SLC25A26: variants seen among roughly 807,000 people sequenced by gnomAD.
SLC25A26 encodes the protein solute carrier family 25 member 26.
In SLC25A26, 36 loss-of-function variants were observed where a neutral mutation model predicts 37.8. That is an observed-to-expected ratio of 0.95 (90% CI 0.73 to 1.26). The LOEUF (loss-of-function observed/expected upper bound fraction) is 1.26. Ranked by LOEUF, SLC25A26 falls within the 50% of genes most tolerant of loss-of-function variation. The pLI, the probability that SLC25A26 is intolerant of heterozygous loss-of-function variation, is 0.00. For synonymous variants in SLC25A26, 129 were observed against 122.5 expected (o/e 1.05, Z -0.35); for missense variants, 390 against 331.1 (o/e 1.18, Z -1.38).
chr3:66,278,762 G>T (rs1262998416), intron 5 of SLC25A26, among the ~76,000 whole-genome samples: 3 of 152,034 alleles, frequency 2.0e-5, no homozygotes, highest in Non-Finnish European at 4.4e-5. Context: ...CTTTCTTTTT[G>T]CCACCTTGTC....
At chr3:66,235,516 C>T (rs2107012556) in intron 1 of SLC25A26, among the ~76,000 whole-genome samples, 1 of 152,210 alleles carries the variant, frequency 6.6e-6, no homozygotes, top group South Asian at 2.1e-4. Flanking sequence ...TTTTCAAATA[C>T]ATTTAAAGCA....
chr3:66,371,781 G>C (rs1388354198), intron 9 of SLC25A26, among the ~76,000 whole-genome samples: 1 of 152,106 alleles, frequency 6.6e-6, no homozygotes, highest in East Asian at 1.9e-4. Context: ...GAGTCCTGAA[G>C]CTACTTAGCC....
intron 5 of SLC25A26, among the ~76,000 whole-genome samples, chr3:66,314,921 A>C (rs895901269): frequency 1.3e-5 from 2 of 151,858 alleles, no homozygotes; most frequent in African/African-American, 4.8e-5. Context: ...TGAGGTGTTT[A>C]TAGTATTCTC....
Position 66,242,602 on chromosome 3 carries a change from T to C in SLC25A26, c.191-601T>C, listed in dbSNP as rs146894118. ...TAAACATTTTTTGGTTAACAGTACA[T>C]AGAAAGTTTTAAAGCCGTCATATGC... On this transcript the variant is annotated intron_variant, in intron 2 of 9. Transcript: ENST00000354883. Among the ~76,000 whole-genome samples, 21 of 152,306 alleles carry C rather than the reference T, an allele frequency of 1.4e-4. No homozygotes were observed. The East Asian group carries it at 3.5e-3, about 25-fold the overall frequency.
chr3:66,135,061 C>T (rs1302595021), intron 1 of SLC25A26, among the ~76,000 whole-genome samples: 2 of 152,178 alleles, frequency 1.3e-5, no homozygotes, highest in Admixed American at 6.5e-5. Flanking sequence ...GAACTCCTGA[C>T]CCCAGGTGAT....
At chr3:66,302,177 C>G (rs1281888128) in intron 5 of SLC25A26, among the ~76,000 whole-genome samples, 1 of 152,218 alleles carries the variant, frequency 6.6e-6, no homozygotes, top group African/African-American at 2.4e-5. Flanking sequence ...ACCTTCCTCC[C>G]TCTGAATTTG....
At chr3:66,152,553 C>T (rs2070222728) in intron 1 of SLC25A26, among the ~76,000 whole-genome samples, 1 of 151,962 alleles carries the variant, frequency 6.6e-6, no homozygotes. Flanking sequence ...TTGATGGTGG[C>T]AAAATGATAT....
intron 5 of SLC25A26, among the ~76,000 whole-genome samples, chr3:66,298,759 C>A (rs1188986473): frequency 6.6e-6 from 1 of 152,094 alleles, no homozygotes; most frequent in African/African-American, 2.4e-5. Context: ...TAATAAATGT[C>A]AGAGGAATAG....
upstream of SLC25A26, chr3:66,220,992 G>C (rs1313634238): frequency 2.2e-5 from 28 of 1,287,150 alleles, no homozygotes; most frequent in Non-Finnish European, 2.9e-5. Flanking sequence ...GGTCCCGGAA[G>C]TTCAAGACAG....
At chr3:66,321,758 T>G (rs556328383) in intron 5 of SLC25A26, among the ~76,000 whole-genome samples, 1 of 152,166 alleles carries the variant, frequency 6.6e-6, no homozygotes, top group South Asian at 2.1e-4. Flanking sequence ...CTACTTTTTT[T>G]TTTTTTTCTT....
chr3:66,159,696 A>G (rs1481755487), intron 1 of SLC25A26, among the ~76,000 whole-genome samples: 1 of 152,220 alleles, frequency 6.6e-6, no homozygotes, highest in Non-Finnish European at 1.5e-5. Context: ...TGTTCCAGGC[A>G]TGTACTCGAA....
At chr3:66,241,309 C>T (rs1476226559) in intron 2 of SLC25A26, among the ~76,000 whole-genome samples, 1 of 152,110 alleles carries the variant, frequency 6.6e-6, no homozygotes, top group African/African-American at 2.4e-5. Flanking sequence ...TTCTTAAATT[C>T]AGACAAGTTT....
chr3:66,317,475 C>T (rs2075571267), intron 5 of SLC25A26, among the ~76,000 whole-genome samples: 1 of 152,182 alleles, frequency 6.6e-6, no homozygotes, highest in Non-Finnish European at 1.5e-5. Context: ...AGATGGCAGC[C>T]TGCTCCTTTC....
chr3:66,363,391 C>G (rs1309220963), intron 7 of SLC25A26, among the ~76,000 whole-genome samples: 1 of 152,066 alleles, frequency 6.6e-6, no homozygotes, highest in Non-Finnish European at 1.5e-5. Context: ...AGAGGCTCCT[C>G]CATAACTTAC....
intron 7 of SLC25A26, 135 bp downstream of exon 7, chr3:66,363,064 AGAAC>A (rs987047895): frequency 1.4e-5 from 6 of 431,002 alleles, no homozygotes; most frequent in Middle Eastern, 4.0e-4. Context: ...GTTTGAGAAA[AGAAC>A]GTGTCTTAGA....
intron 5 of SLC25A26, among the ~76,000 whole-genome samples, chr3:66,264,340 C>G (rs529570348): frequency 1.3e-5 from 2 of 152,196 alleles, no homozygotes; most frequent in African/African-American, 4.8e-5. Context: ...TTTTGAGGAA[C>G]TAATGAAAAA....
intron 2 of SLC25A26, 70 bp from the exon 3 acceptor site, chr3:66,243,133 G>A (rs922232569): frequency 1.4e-6 from 1 of 722,512 alleles, no homozygotes; most frequent in Non-Finnish European, 2.4e-6. Flanking sequence ...TACTTTTTGA[G>A]AAACATGTTT....
chr3:66,204,125 C>A (rs1352463623), intron 1 of SLC25A26, among the ~76,000 whole-genome samples: 14 of 152,200 alleles, frequency 9.2e-5, no homozygotes, highest in African/African-American at 3.1e-4. Context: ...AGGAAACTTG[C>A]ATGAAAATCA....
chr3:66,154,912 A>G (rs568056916), intron 1 of SLC25A26, among the ~76,000 whole-genome samples: 7 of 152,242 alleles, frequency 4.6e-5, no homozygotes, highest in Non-Finnish European at 1.0e-4. Flanking sequence ...TAAAGTATGT[A>G]TCAGCTCTTC....
Sources: allele counts gnomAD v4.1 joint callset (sites outside exome capture counted in the v4.1 genomes callset), GRCh38; gene constraint gnomAD v4.1.1; transcripts MANE v1.5; gene names NCBI Gene and HGNC (gene_info 2026-07-23, HGNC 2026-07-21).